Variants in CENPW observed in about 807,000 individuals in gnomAD.
CENPW encodes the protein centromere protein W, also known as cancer-up-regulated gene 2 protein.
Under a neutral mutation model 11.1 loss-of-function variants are expected in CENPW, and 3 were observed. That is an observed-to-expected ratio of 0.27 (90% CI 0.12 to 0.70). The LOEUF (loss-of-function observed/expected upper bound fraction) is 0.70, where lower values mean the gene tolerates loss of function less well. Ranked by LOEUF, CENPW falls within the 30% of genes least tolerant of loss-of-function variation. The pLI, the probability that CENPW is intolerant of heterozygous loss-of-function variation, is 0.77. For synonymous variants in CENPW, 38 were observed against 42.0 expected (o/e 0.91, Z 0.37); for missense variants, 100 against 105.6 (o/e 0.95, Z 0.23).
chr6:126,462,953 A>G, the CENPW span, among the ~76,000 whole-genome samples: 2 of 152,086 alleles, frequency 1.3e-5, no homozygotes, highest in South Asian at 2.1e-4. Context: ...TGATTTATCT[A>G]AAACATATCA....
At chr6:126,465,376 G>A in the CENPW span, among the ~76,000 whole-genome samples, 8 of 151,544 alleles carry the variant, frequency 5.3e-5, no homozygotes, top group African/African-American at 1.9e-4. Flanking sequence ...GAAATTAAAG[G>A]TTATTTTAAT....
the CENPW span, among the ~76,000 whole-genome samples, chr6:126,441,452 T>TA: frequency 9.1e-3 from 1,358 of 148,586 alleles, 8 homozygotes; most frequent in Non-Finnish European, 0.014. Flanking sequence ...GTGGATTACT[T>TA]AAAAAAAAAA....
At chr6:126,412,242 C>T in the CENPW span, among the ~76,000 whole-genome samples, 1 of 151,560 alleles carries the variant, frequency 6.6e-6, no homozygotes, top group South Asian at 2.1e-4. Flanking sequence ...CCCACCTCAG[C>T]CCCTCAAAAT....
At chr6:126,423,371 A>G in the CENPW span, among the ~76,000 whole-genome samples, 2 of 152,130 alleles carry the variant, frequency 1.3e-5, no homozygotes, top group African/African-American at 4.8e-5. Flanking sequence ...TGAAATTGAC[A>G]TATTGATGTA....
chr6:126,452,929 T>C, the CENPW span, among the ~76,000 whole-genome samples: 13 of 151,118 alleles, frequency 8.6e-5, no homozygotes. Context: ...TTTGACTTTC[T>C]GTAATTTCTC....
the CENPW span, among the ~76,000 whole-genome samples, chr6:126,399,345 A>T: frequency 9.2e-5 from 14 of 152,238 alleles, no homozygotes; most frequent in Admixed American, 3.9e-4. Flanking sequence ...CAAATGACAA[A>T]TGAGAAGCAG....
the CENPW span, among the ~76,000 whole-genome samples, chr6:126,418,708 TAATC>T: frequency 6.6e-6 from 1 of 151,988 alleles, no homozygotes; most frequent in South Asian, 2.1e-4. Flanking sequence ...GCTCCAAAAA[TAATC>T]ATATCAACTC....
the CENPW span, among the ~76,000 whole-genome samples, chr6:126,394,442 T>C: frequency 6.6e-6 from 1 of 152,096 alleles, no homozygotes; most frequent in Non-Finnish European, 1.5e-5. Flanking sequence ...TATAACTTTG[T>C]CTGCCTGCTT....
chr6:126,398,486 A>G, the CENPW span, among the ~76,000 whole-genome samples: 67 of 152,162 alleles, frequency 4.4e-4, 1 homozygote, highest in Non-Finnish European at 1.5e-4. Context: ...CTTATATAAG[A>G]TGGCATAGTA....
chr6:126,405,720 CCTT>C, the CENPW span, among the ~76,000 whole-genome samples: 1 of 151,900 alleles, frequency 6.6e-6, no homozygotes, highest in African/African-American at 2.4e-5. Flanking sequence ...ATGTTCATCT[CCTT>C]AATTGTCTGT....
At chr6:126,368,123 C>G in the CENPW span, among the ~76,000 whole-genome samples, 2 of 152,230 alleles carry the variant, frequency 1.3e-5, no homozygotes, top group African/African-American at 2.4e-5. Flanking sequence ...GAAGGCCTTT[C>G]TTCGTCTTTG....
chr6:126,431,337 C>T, the CENPW span, among the ~76,000 whole-genome samples: 1 of 152,108 alleles, frequency 6.6e-6, no homozygotes, highest in Non-Finnish European at 1.5e-5. Context: ...AAAGGATATA[C>T]AATTGAACAA....
At chr6:126,398,267 A>C in the CENPW span, among the ~76,000 whole-genome samples, 1 of 152,186 alleles carries the variant, frequency 6.6e-6, no homozygotes, top group Non-Finnish European at 1.5e-5. Context: ...GCTTCATAGG[A>C]AAGACCTGTG....
At chr6:126,364,882 A>T in the CENPW span, among the ~76,000 whole-genome samples, 20 of 152,322 alleles carry the variant, frequency 1.3e-4, no homozygotes, top group East Asian at 3.7e-3. Context: ...CCCTGTTTGC[A>T]TAATAGTTAA....
chr6:126,442,086 A>G, the CENPW span, among the ~76,000 whole-genome samples: 1 of 151,464 alleles, frequency 6.6e-6, no homozygotes, highest in Non-Finnish European at 1.5e-5. Context: ...AAAAGTGTTC[A>G]CTTTTTACCA....
chr6:126,413,793 AGAT>A, the CENPW span, among the ~76,000 whole-genome samples: 1 of 152,054 alleles, frequency 6.6e-6, no homozygotes, highest in Non-Finnish European at 1.5e-5. Context: ...AGAATACAAC[AGAT>A]GATAAGAGTA....
At chr6:126,364,264 C>A in the CENPW span, among the ~76,000 whole-genome samples, 2 of 152,116 alleles carry the variant, frequency 1.3e-5, no homozygotes, top group Non-Finnish European at 1.5e-5. Flanking sequence ...TAAAACTCAT[C>A]CTGTTTTGAC....
chr6:126,467,105 C>T, the CENPW span, among the ~76,000 whole-genome samples: 1 of 152,130 alleles, frequency 6.6e-6, no homozygotes, highest in Admixed American at 6.6e-5. Context: ...TTCCTACCAA[C>T]TACCAATGAC....
chr6:126,388,491 G>A, the CENPW span, among the ~76,000 whole-genome samples: 4 of 151,972 alleles, frequency 2.6e-5, no homozygotes, highest in Admixed American at 2.6e-4. Context: ...TGTTGTCATA[G>A]TGAATACCAC....
Sources: gnomAD v4.1 joint callset for allele counts (sites outside exome capture counted in the v4.1 genomes callset) on GRCh38, gnomAD v4.1.1 for gene constraint, MANE v1.5 for transcripts, NCBI Gene and HGNC (gene_info 2026-07-23, HGNC 2026-07-21) for gene names.